HMGA2: variants seen among roughly 807,000 people sequenced by gnomAD.
HMGA2 encodes high mobility group AT-hook 2, also known as high mobility group protein HMGI-C.
A neutral mutation model predicts 19.1 loss-of-function variants in HMGA2; 8 were observed. The observed-to-expected ratio is 0.42, with a 90% CI of 0.25 to 0.76. HMGA2 has a LOEUF of 0.76. Ranked by LOEUF, HMGA2 falls within the 30% of genes least tolerant of loss-of-function variation. HMGA2 has a pLI of 0.28. For synonymous variants in HMGA2, 60 were observed against 48.8 expected, an observed-to-expected ratio of 1.23 and a Z score of -0.96; for missense variants, 109 against 136.3, an observed-to-expected ratio of 0.80 and a Z score of 1.00.
At chr12:65,888,975 ATAAT>A (rs1267602086) in intron 3 of HMGA2, among the ~76,000 whole-genome samples, 1 of 152,048 alleles carries the variant, frequency 6.6e-6, no homozygotes, top group Non-Finnish European at 1.5e-5. Context: ...CTTTCCACCA[ATAAT>A]CAGCTGCCTT....
At chr12:65,896,565 C>G (rs1034022318) in intron 3 of HMGA2, among the ~76,000 whole-genome samples, 1 of 152,190 alleles carries the variant, frequency 6.6e-6, no homozygotes, top group Non-Finnish European at 1.5e-5. Flanking sequence ...CTCCTCTTCT[C>G]CCTGTTCTTT....
At chr12:65,838,031 T>G (rs896327610) in intron 2 of HMGA2, among the ~76,000 whole-genome samples, 1 of 152,168 alleles carries the variant, frequency 6.6e-6, no homozygotes, top group Admixed American at 6.5e-5. Context: ...TATACTTGCT[T>G]TTGACTACCA....
chr12:65,833,771 G>T (rs917091768), intron 2 of HMGA2, among the ~76,000 whole-genome samples: 1 of 152,166 alleles, frequency 6.6e-6, no homozygotes, highest in Non-Finnish European at 1.5e-5. Flanking sequence ...TCTACTACCT[G>T]TGAACATGGG....
At chr12:65,905,363 G>A (rs537524874) in intron 3 of HMGA2, among the ~76,000 whole-genome samples, 19 of 152,100 alleles carry the variant, frequency 1.2e-4, no homozygotes, top group African/African-American at 3.4e-4. Flanking sequence ...TTTTGTTTAC[G>A]TGTTTATCAA....
At chr12:65,882,831 T>G (rs948391020) in intron 3 of HMGA2, among the ~76,000 whole-genome samples, 4 of 152,206 alleles carry the variant, frequency 2.6e-5, no homozygotes, top group African/African-American at 9.6e-5. Flanking sequence ...CAAAAATACC[T>G]GATCTGCTAG....
At chr12:65,878,039 G>T (rs969977949) in intron 3 of HMGA2, among the ~76,000 whole-genome samples, 8 of 152,142 alleles carry the variant, frequency 5.3e-5, no homozygotes, top group African/African-American at 1.9e-4. Flanking sequence ...CCAAGGGTGA[G>T]GTGTCCTGGG....
intron 2 of HMGA2, among the ~76,000 whole-genome samples, chr12:65,831,673 T>C (rs1036917439): frequency 2.6e-5 from 4 of 151,898 alleles, no homozygotes; most frequent in African/African-American, 9.7e-5. Context: ...ATTAATTAGA[T>C]ACTGTAAAGA....
chr12:65,881,623 C>G (rs1264181585), intron 3 of HMGA2: 2 of 619,444 alleles, frequency 3.2e-6, no homozygotes, highest in African/African-American at 2.2e-5. Flanking sequence ...CCAGAGGGAG[C>G]GAAGGAGGGA....
At chr12:65,891,217 A>G (rs1378846037) in intron 3 of HMGA2, among the ~76,000 whole-genome samples, 1 of 152,214 alleles carries the variant, frequency 6.6e-6, no homozygotes, top group Non-Finnish European at 1.5e-5. Context: ...AATAAGCATT[A>G]TAACTCCAGG....
In HMGA2 at chr12:65,824,924, C is replaced by A; in HGVS notation, c.-347C>A. ...AACCCGCGAGAGGAGCCTCTGCGAC[C>A]TCAAAGCCTCTCTTCCTTCTCCCTC... On this transcript the variant is annotated 5_prime_UTR_variant, in exon 1 of 5. Transcript: ENST00000403681. 3.2e-6 allele frequency: 1 copy of A among 317,120 alleles called. No individual in the cohort carries two copies. Among genetic ancestry groups the A allele is most frequent in the Non-Finnish European group, 5.8e-6 (1 of 171,076 alleles). 19.6% of individuals were successfully genotyped at this position (317,120 alleles called of 1,614,324 possible). A position where few individuals can be genotyped will look rare whatever the true frequency, so the allele number is the denominator to read the frequency against.
chr12:65,914,885 G>A (rs774108797), intron 3 of HMGA2: 1 of 701,082 alleles, frequency 1.4e-6, no homozygotes, highest in South Asian at 1.5e-5. Flanking sequence ...ATGTTGGCCA[G>A]GCTGGTCTCG....
intron 4 of HMGA2, chr12:65,952,433 G>A: frequency 2.0e-6 from 3 of 1,534,392 alleles, no homozygotes; most frequent in Non-Finnish European, 2.6e-6. Context: ...CCACTTAGAA[G>A]AGAATTGAAA....
chr12:65,849,734 G>GTTTTTTTTTTTTTTTTTTT (rs1309933646), intron 3 of HMGA2, among the ~76,000 whole-genome samples: 3 of 102,022 alleles, frequency 2.9e-5, no homozygotes, highest in African/African-American at 1.8e-4. Context: ...GGTAGGCTCT[G>GTTTTTTTTTTTTTTTTTTT]TATTTTTTTT....
At chr12:65,885,595 G>A (rs1873622163) in intron 3 of HMGA2, among the ~76,000 whole-genome samples, 1 of 152,148 alleles carries the variant, frequency 6.6e-6, no homozygotes, top group Non-Finnish European at 1.5e-5. Context: ...TGGAATGTGT[G>A]CAGTCCCTGG....
chr12:65,925,941 C>G (rs970660701), intron 3 of HMGA2, among the ~76,000 whole-genome samples: 1 of 152,132 alleles, frequency 6.6e-6, no homozygotes, highest in Non-Finnish European at 1.5e-5. Flanking sequence ...TATTGGGGAA[C>G]GCTTCCTTTG....
intron 3 of HMGA2, chr12:65,882,229 C>T (rs1375124254): frequency 1.5e-5 from 5 of 322,726 alleles, no homozygotes; most frequent in Admixed American, 7.9e-5. Flanking sequence ...GCCAGTTGGC[C>T]CCTGCCCACC....
At chr12:65,916,265 G>A (rs1875097026) in intron 3 of HMGA2, among the ~76,000 whole-genome samples, 1 of 152,174 alleles carries the variant, frequency 6.6e-6, no homozygotes, top group African/African-American at 2.4e-5. Flanking sequence ...CAAGGAGGTA[G>A]AAGAATACTT....
intron 3 of HMGA2, among the ~76,000 whole-genome samples, chr12:65,924,655 G>T (rs1875440384): frequency 6.6e-6 from 1 of 152,080 alleles, no homozygotes; most frequent in Non-Finnish European, 1.5e-5. Flanking sequence ...AAAATTAGCT[G>T]GGCGTTGTGG....
intron 3 of HMGA2, among the ~76,000 whole-genome samples, chr12:65,935,579 A>C (rs1161006070): frequency 1.3e-5 from 2 of 152,164 alleles, no homozygotes; most frequent in African/African-American, 2.4e-5. Context: ...TCTTGGAGAA[A>C]AGTGTATCTG....
Sources: gnomAD v4.1 joint callset for allele counts (sites outside exome capture counted in the v4.1 genomes callset) on GRCh38, gnomAD v4.1.1 for gene constraint, MANE v1.5 for transcripts, NCBI Gene and HGNC (gene_info 2026-07-23, HGNC 2026-07-21) for gene names.